SH3RF3: variants seen among roughly 807,000 people sequenced by gnomAD.
SH3RF3 encodes the protein SH3 domain containing ring finger 3.
Under a neutral mutation model 66.3 loss-of-function variants are expected in SH3RF3, and 29 were observed. The observed-to-expected ratio is 0.44, with a 90% confidence interval of 0.33 to 0.60. The LOEUF (loss-of-function observed/expected upper bound fraction) is 0.60. Among genes scored for constraint, SH3RF3 ranks in the 20% least tolerant of loss-of-function variants. The probability of loss-of-function intolerance (pLI) is 0.04; values close to 1 mark genes in which losing one functional copy is unlikely to be tolerated. For missense variants in SH3RF3, 1,194 were observed against 1,190.9 expected, an observed-to-expected ratio of 1.00 and a Z score of -0.04; for synonymous variants, 583 against 532.0, an observed-to-expected ratio of 1.10 and a Z score of -1.32.
chr2:109,371,263 G>C (rs995668339), intron 2 of SH3RF3, among the ~76,000 whole-genome samples: 1 of 152,220 alleles, frequency 6.6e-6, no homozygotes, highest in Non-Finnish European at 1.5e-5. Context: ...GGTGGCACAC[G>C]CCTGTAATCC....
chr2:109,391,699 C>T (rs2104414602), intron 3 of SH3RF3, among the ~76,000 whole-genome samples: 1 of 152,316 alleles, frequency 6.6e-6, no homozygotes, highest in Admixed American at 6.5e-5. Context: ...GTCCACAGGC[C>T]TCTGAGGCCA....
At chr2:109,254,174 A>G (rs954447346) in intron 1 of SH3RF3, among the ~76,000 whole-genome samples, 2 of 152,060 alleles carry the variant, frequency 1.3e-5, no homozygotes, top group African/African-American at 4.8e-5. Flanking sequence ...AGAAAATCAC[A>G]TTTTTCTTCT....
intron 8 of SH3RF3, among the ~76,000 whole-genome samples, chr2:109,471,577 C>G (rs895375527): frequency 6.6e-6 from 1 of 152,118 alleles, no homozygotes; most frequent in Non-Finnish European, 1.5e-5. Context: ...CAGTCAGTGG[C>G]AAAATTCATC....
In SH3RF3 at chr2:109,398,597, A is replaced by G; in HGVS notation, c.953A>G (p.Asp318Gly). ...CTCCCCTTTCTCACTCAGCTCAATG[A>G]CTCCGCCAAGCAGCTCATTGAGATG... is the stretch of plus-strand genomic sequence containing the variant. The part of the protein sequence containing the change: ...IFPLLYVELN[D>G]SAKQLIEMDK... Residue 318 changes from aspartate (D) to glycine (G), a missense_variant, in exon 4 of 10, where the codon GAC (aspartate) becomes GGC (glycine). Physicochemically the swap from Asp to Gly is moderately conservative, Grantham distance 94. Transcript: ENST00000309415. 1 of 1,562,680 alleles carries G rather than the reference A, an allele frequency of 6.4e-7. No individual in the cohort carries two copies. The highest frequency in any genetic ancestry group is 8.7e-7 in the Non-Finnish European group (1 of 1,155,322).
At chr2:109,256,215 A>G (rs1680217471) in intron 1 of SH3RF3, among the ~76,000 whole-genome samples, 1 of 152,200 alleles carries the variant, frequency 6.6e-6, no homozygotes, top group Non-Finnish European at 1.5e-5. Flanking sequence ...GTAGACAAGG[A>G]AGACCCCACA....
chr2:109,297,309 C>T (rs1238598071), intron 1 of SH3RF3, among the ~76,000 whole-genome samples: 1 of 152,146 alleles, frequency 6.6e-6, no homozygotes, highest in Non-Finnish European at 1.5e-5. Flanking sequence ...CTTCTGCTTC[C>T]ATCTTCGATG....
chr2:109,199,587 T>TCAACGCGAGTGCAGG, intron 1 of SH3RF3, among the ~76,000 whole-genome samples: 1 of 978 alleles, frequency 1.0e-3, no homozygotes, highest in Non-Finnish European at 2.3e-3. Flanking sequence ...TGGAATGGAA[T>TCAACGCGAGTGCAGG]GGAATGGAAT....
chr2:109,170,471 G>GAGT (rs752304648), intron 1 of SH3RF3, among the ~76,000 whole-genome samples: 183 of 152,092 alleles, frequency 1.2e-3, no homozygotes, highest in Non-Finnish European at 2.2e-3. Context: ...TCAGCCTCCT[G>GAGT]AGTAGCTGGG....
intron 1 of SH3RF3, among the ~76,000 whole-genome samples, chr2:109,158,578 C>G (rs1677409353): frequency 2.0e-5 from 3 of 152,186 alleles, no homozygotes; most frequent in Admixed American, 6.5e-5. Flanking sequence ...GACAGAGGGT[C>G]TTCACCTCGC....
chr2:109,327,256 A>T (rs535084096), intron 1 of SH3RF3, among the ~76,000 whole-genome samples: 9 of 152,286 alleles, frequency 5.9e-5, no homozygotes, highest in African/African-American at 1.2e-4. Flanking sequence ...TTCTTTTTCC[A>T]TCTAGATAAC....
intron 8 of SH3RF3, among the ~76,000 whole-genome samples, chr2:109,474,710 T>C (rs1186884534): frequency 3.9e-5 from 6 of 152,186 alleles, no homozygotes; most frequent in Non-Finnish European, 7.3e-5. Context: ...TCGCAGATAC[T>C]TCACCACCAT....
At chr2:109,147,895 G>A (rs1454045790) in intron 1 of SH3RF3, among the ~76,000 whole-genome samples, 7 of 152,266 alleles carry the variant, frequency 4.6e-5, no homozygotes, top group East Asian at 1.9e-4. Flanking sequence ...TAAACTCTGC[G>A]TTTATAGTTA....
intron 5 of SH3RF3, 29 bp from the exon 6 acceptor site, chr2:109,432,472 C>T (rs549398852): frequency 1.2e-6 from 2 of 1,611,278 alleles, no homozygotes; most frequent in Admixed American, 1.7e-5. Context: ...AGGGCTCCCA[C>T]TGACACTGGC....
chr2:109,403,881 G>A (rs766126451), intron 4 of SH3RF3, among the ~76,000 whole-genome samples: 3 of 152,286 alleles, frequency 2.0e-5, no homozygotes, highest in East Asian at 3.9e-4. Flanking sequence ...CAAGCTGTGC[G>A]CCCCCACCAT....
At chr2:109,415,311 C>T (rs1471834431) in intron 4 of SH3RF3, among the ~76,000 whole-genome samples, 2 of 152,190 alleles carry the variant, frequency 1.3e-5, no homozygotes, top group East Asian at 1.9e-4. Context: ...TGGCTAAGCA[C>T]GTGGCCTGAG....
chr2:109,380,143 T>G (rs1238360363), intron 3 of SH3RF3, among the ~76,000 whole-genome samples: 1 of 152,182 alleles, frequency 6.6e-6, no homozygotes, highest in Non-Finnish European at 1.5e-5. Flanking sequence ...TACATGGGTG[T>G]TCATTGTAGT....
intron 3 of SH3RF3, among the ~76,000 whole-genome samples, chr2:109,387,767 T>A (rs1297413656): frequency 6.6e-6 from 1 of 152,236 alleles, no homozygotes; most frequent in Non-Finnish European, 1.5e-5. Context: ...GGGTTTTGTC[T>A]GTATTTATTT....
At chr2:109,447,215 C>G (rs937905191) in intron 7 of SH3RF3, among the ~76,000 whole-genome samples, 12 of 142,566 alleles carry the variant, frequency 8.4e-5, no homozygotes, top group African/African-American at 2.9e-4. Flanking sequence ...CCACATAAAT[C>G]AGCCTTTCTG....
intron 1 of SH3RF3, among the ~76,000 whole-genome samples, chr2:109,290,225 T>A (rs1574553169): frequency 6.6e-6 from 1 of 152,320 alleles, no homozygotes; most frequent in East Asian, 1.9e-4. Context: ...TTCAGACACA[T>A]CACATCATTC....
Sources: allele counts gnomAD v4.1 joint callset (sites outside exome capture counted in the v4.1 genomes callset), GRCh38; gene constraint gnomAD v4.1.1; transcripts MANE v1.5; gene names NCBI Gene and HGNC (gene_info 2026-07-23, HGNC 2026-07-21).